The following LRRC72 variants were observed in gnomAD, a reference collection of about 807,000 sequenced individuals.
LRRC72 encodes leucine rich repeat containing 72.
Under a neutral mutation model 35.8 loss-of-function variants are expected in LRRC72, and 41 were observed. The observed-to-expected ratio is 1.15, with a 90% CI of 0.89 to 1.49. LRRC72 has a LOEUF of 1.49. Among genes scored for constraint, LRRC72 ranks in the 40% most tolerant of loss-of-function variants. The pLI, the probability that LRRC72 is intolerant of heterozygous loss-of-function variation, is 0.00. For synonymous variants in LRRC72, 118 were observed against 119.2 expected, an observed-to-expected ratio of 0.99 and a Z score of 0.07; for missense variants, 389 against 330.7, an observed-to-expected ratio of 1.18 and a Z score of -1.37.
intron 2 of LRRC72, among the ~76,000 whole-genome samples, chr7:16,534,638 G>C (rs1475907866): frequency 1.3e-5 from 2 of 151,164 alleles, no homozygotes; most frequent in African/African-American, 4.9e-5. Flanking sequence ...GCGAGACTCA[G>C]TCTCAAAAAA....
chr7:16,576,583 G>C (rs190991157), intron 7 of LRRC72, among the ~76,000 whole-genome samples: 2 of 152,192 alleles, frequency 1.3e-5, no homozygotes, highest in Admixed American at 1.3e-4. Context: ...TACTGTCTCT[G>C]GGTTTTATTG....
intron 1 of LRRC72, among the ~76,000 whole-genome samples, chr7:16,530,002 T>C (rs1461730504): frequency 6.6e-6 from 1 of 152,224 alleles, no homozygotes; most frequent in African/African-American, 2.4e-5. Context: ...CATATAAATA[T>C]GACTTTTAAC....
At chr7:16,552,473 T>C (rs1782569780) in intron 3 of LRRC72, among the ~76,000 whole-genome samples, 3 of 152,116 alleles carry the variant, frequency 2.0e-5, no homozygotes, top group Admixed American at 2.0e-4. Context: ...GAAAACGGAA[T>C]GCTGAAAGGA....
At chr7:16,556,844 C>T (rs1226387893) in intron 3 of LRRC72, among the ~76,000 whole-genome samples, 2 of 152,266 alleles carry the variant, frequency 1.3e-5, no homozygotes, top group South Asian at 2.1e-4. Context: ...GTTTAGTATG[C>T]CTTGCTGGCC....
intron 8 of LRRC72, among the ~76,000 whole-genome samples, chr7:16,580,965 A>T (rs1014707375): frequency 5.3e-5 from 8 of 152,180 alleles, no homozygotes; most frequent in African/African-American, 1.9e-4. Flanking sequence ...GTAGAAAAAA[A>T]CTTAGCAATA....
chr7:16,574,543 C>T (rs1783004366), intron 7 of LRRC72, among the ~76,000 whole-genome samples: 1 of 151,976 alleles, frequency 6.6e-6, no homozygotes, highest in Non-Finnish European at 1.5e-5. Context: ...TAAACTAACA[C>T]AGGAACAGAA....
chr7:16,566,932 AT>A (rs1467626363), intron 6 of LRRC72, among the ~76,000 whole-genome samples: 1 of 151,894 alleles, frequency 6.6e-6, no homozygotes, highest in East Asian at 1.9e-4. Flanking sequence ...TACACTTAAC[AT>A]TTTTTGAGGC....
chr7:16,576,117 A>C (rs1476631271), intron 7 of LRRC72, among the ~76,000 whole-genome samples: 4 of 152,232 alleles, frequency 2.6e-5, no homozygotes, highest in Middle Eastern at 3.2e-3. Flanking sequence ...CAATTATTAT[A>C]AATCTACTCA....
At chr7:16,535,936 G>C (rs752001809) in intron 2 of LRRC72, among the ~76,000 whole-genome samples, 20 of 152,176 alleles carry the variant, frequency 1.3e-4, no homozygotes, top group Admixed American at 1.0e-3. Flanking sequence ...GCCATGGCAC[G>C]ATCTCGGCTC....
intron 7 of LRRC72, among the ~76,000 whole-genome samples, chr7:16,568,400 T>G (rs1353246184): frequency 6.6e-6 from 1 of 152,060 alleles, no homozygotes; most frequent in Non-Finnish European, 1.5e-5. Flanking sequence ...AAGGGGAAAT[T>G]GAATTAAAAA....
rs115787475 is a variant in LRRC72, at chr7:16,567,262, C to T, written c.518-129C>T. On this transcript the variant is annotated intron_variant, in intron 6 of 8. Coordinates refer to ENST00000401542, the MANE Select transcript of LRRC72 (RefSeq NM_001195280.2). ...TAAGCGTGATAGCCCCTTTACAAAACAGTTTTGACAGGATGTTCTCATATA... is the reference window on the plus strand; with the variant it reads ...TAAGCGTGATAGCCCCTTTACAAAATAGTTTTGACAGGATGTTCTCATATA... 4.0e-3 allele frequency: 2,662 copies of T among 664,222 alleles called. 61 individuals carry two copies. In the African/African-American group the frequency reaches 0.045, roughly 11 times the overall value. 41.1% of individuals were successfully genotyped at this position (664,222 alleles called of 1,614,324 possible).
chr7:16,528,620 G>C (rs1448567757), intron 1 of LRRC72, among the ~76,000 whole-genome samples: 1 of 152,084 alleles, frequency 6.6e-6, no homozygotes, highest in East Asian at 1.9e-4. Context: ...GAGGGGGCAG[G>C]CTCATTAGCT....
At chr7:16,547,901 C>G (rs1284209966) in intron 3 of LRRC72, among the ~76,000 whole-genome samples, 1 of 152,196 alleles carries the variant, frequency 6.6e-6, no homozygotes, top group Non-Finnish European at 1.5e-5. Flanking sequence ...CAATGAAGCC[C>G]CACCTTCAAG....
chr7:16,554,822 T>A (rs1263332098), intron 3 of LRRC72, among the ~76,000 whole-genome samples: 1 of 152,186 alleles, frequency 6.6e-6, no homozygotes, highest in Non-Finnish European at 1.5e-5. Flanking sequence ...ACTGTCAGGT[T>A]TGTTAGTGTT....
At chr7:16,532,627 T>A (rs1186604732) in intron 2 of LRRC72, 59 bp downstream of exon 2, 10 of 1,259,842 alleles carry the variant, frequency 7.9e-6, no homozygotes, top group Non-Finnish European at 9.1e-6. Context: ...CATGTTAAAA[T>A]GTTTCACAGA....
intron 5 of LRRC72, among the ~76,000 whole-genome samples, chr7:16,559,905 T>G (rs934844613): frequency 6.6e-6 from 1 of 151,746 alleles, no homozygotes; most frequent in African/African-American, 2.4e-5. Flanking sequence ...ACTAAAAGAC[T>G]TTTTAAGCTT....
rs576991534 is a variant in LRRC72, at chr7:16,543,548, ACTC to A, written c.234+5860_234+5862del. ...AATTCGGATTTGAGTTTTGGTACAT[ACTC>A]CTCCTCCATTCTAAATAGGTGGCCC... is the stretch of plus-strand genomic sequence containing the variant. On this transcript the variant is annotated intron_variant, in intron 3 of 8. Coordinates refer to ENST00000401542, the MANE Select transcript of LRRC72 (RefSeq NM_001195280.2). 1.4e-3 allele frequency among the ~76,000 whole-genome samples: 216 copies of A among 152,082 alleles called. 1 individual carries two copies. The highest frequency in any genetic ancestry group is 5.0e-3 in the African/African-American group (207 of 41,486).
intron 2 of LRRC72, 177 bp downstream of exon 2, chr7:16,532,745 ATTGATT>A: frequency 1.7e-6 from 1 of 592,586 alleles, no homozygotes; most frequent in Admixed American, 2.9e-5. Context: ...AGATACTGAA[ATTGATT>A]AAAAAAAAAA....
At chr7:16,579,886 T>C (rs960405524) in intron 7 of LRRC72, among the ~76,000 whole-genome samples, 188 bp from the exon 8 acceptor site, 1 of 152,152 alleles carries the variant, frequency 6.6e-6, no homozygotes, top group Non-Finnish European at 1.5e-5. Context: ...ACCCACTATA[T>C]CTAAGAGAAA....
Sources: allele counts gnomAD v4.1 joint callset (sites outside exome capture counted in the v4.1 genomes callset), GRCh38; gene constraint gnomAD v4.1.1; transcripts MANE v1.5; gene names NCBI Gene and HGNC (gene_info 2026-07-23, HGNC 2026-07-21).